DAD1: variants seen among roughly 807,000 people sequenced by gnomAD.
DAD1 encodes defender against cell death 1.
A neutral mutation model predicts 9.0 loss-of-function variants in DAD1; 4 were observed. The observed-to-expected ratio is 0.44, with a 90% CI of 0.22 to 1.01. DAD1 has a LOEUF of 1.01. Among genes scored for constraint, DAD1 ranks in the 50% least tolerant of loss-of-function variants. The probability of loss-of-function intolerance (pLI) is 0.24; values close to 1 mark genes in which losing one functional copy is unlikely to be tolerated. For missense variants in DAD1, 119 were observed against 137.3 expected, an observed-to-expected ratio of 0.87 and a Z score of 0.67; for synonymous variants, 60 against 62.5, an observed-to-expected ratio of 0.96 and a Z score of 0.19.
In DAD1 at chr14:22,589,220, G is replaced by T. The variant is rs1205995483; in HGVS notation, c.-63C>A. 8 of 1,561,764 alleles carry T rather than the reference G, an allele frequency of 5.1e-6. No homozygotes were observed. The Admixed American group carries it at 1.4e-4, about 27-fold the overall frequency. On this transcript the variant is annotated 5_prime_UTR_variant, in exon 1 of 3. Coordinates refer to ENST00000250498, the MANE Select transcript of DAD1 (RefSeq NM_001344.4). ...CTTGGAGGACCCGTCGACCACACCG[G>T]ATGTGCTGTTTGCGCATGCGCACCC...
intron 1 of DAD1, among the ~76,000 whole-genome samples, chr14:22,581,708 A>C (rs1360364868): frequency 7.5e-6 from 1 of 132,664 alleles, no homozygotes; most frequent in South Asian, 2.4e-4. Flanking sequence ...GTGCCATTGC[A>C]CTCCAGCCTG....
chr14:22,571,918 C>T lies in DAD1; in HGVS notation c.*44+3141G>A, dbSNP rs189178585. On this transcript the variant is annotated intron_variant, in intron 2 of 2. Coordinates refer to ENST00000250498, the MANE Select transcript of DAD1 (RefSeq NM_001344.4). ...ATGCTGGGATTACAGGCATCAGCCA[C>T]CGTGCTCAGCCATCCTAGCCAGGCT... 7.6e-4 allele frequency among the ~76,000 whole-genome samples: 116 copies of T among 152,298 alleles called. 1 individual carries two copies. Among genetic ancestry groups the T allele is most frequent in the Middle Eastern group, 3.4e-3 (1 of 294 alleles).
At chr14:22,588,683 A>G (rs1032662946) in intron 1 of DAD1, among the ~76,000 whole-genome samples, 1 of 152,236 alleles carries the variant, frequency 6.6e-6, no homozygotes, top group African/African-American at 2.4e-5. Flanking sequence ...CCCCGGACCA[A>G]TATTAAGTGA....
intron 1 of DAD1, among the ~76,000 whole-genome samples, chr14:22,582,914 G>A (rs1354023187): frequency 6.7e-6 from 1 of 149,352 alleles, no homozygotes; most frequent in African/African-American, 2.5e-5. Context: ...GCTGAGGCAG[G>A]AGAATTGCTT....
intron 2 of DAD1, among the ~76,000 whole-genome samples, chr14:22,573,769 C>G (rs1339421413): frequency 6.7e-6 from 1 of 150,228 alleles, no homozygotes; most frequent in South Asian, 2.1e-4. Flanking sequence ...AAATAAACCT[C>G]ACTGTCAACT....
At chr14:22,579,866 G>T (rs1267192191) in intron 1 of DAD1, among the ~76,000 whole-genome samples, 1 of 132,314 alleles carries the variant, frequency 7.6e-6, no homozygotes, top group Non-Finnish European at 1.6e-5. Context: ...TTGAGACAGG[G>T]TCTCACTCCA....
chr14:22,573,181 G>GTTT (rs34572621), intron 2 of DAD1, among the ~76,000 whole-genome samples: 13 of 147,214 alleles, frequency 8.8e-5, no homozygotes, highest in African/African-American at 2.5e-4. Context: ...ACACTTTTGG[G>GTTT]TTTTTTTTTT....
At chr14:22,581,404 G>C (rs2037114513) in intron 1 of DAD1, among the ~76,000 whole-genome samples, 1 of 152,128 alleles carries the variant, frequency 6.6e-6, no homozygotes, top group Non-Finnish European at 1.5e-5. Flanking sequence ...AAATCTGGGG[G>C]CAGAGCATTC....
intron 2 of DAD1, among the ~76,000 whole-genome samples, chr14:22,569,223 A>C (rs1418895228): frequency 6.6e-6 from 1 of 152,192 alleles, no homozygotes; most frequent in Non-Finnish European, 1.5e-5. Flanking sequence ...TCACAAAGTC[A>C]AAAGATAGAG....
At chr14:22,576,532 G>C (rs1344400905) in intron 1 of DAD1, among the ~76,000 whole-genome samples, 4 of 152,260 alleles carry the variant, frequency 2.6e-5, no homozygotes, top group African/African-American at 9.6e-5. Flanking sequence ...GAAGAAAACA[G>C]AGCAAAAGTT....
intron 2 of DAD1, among the ~76,000 whole-genome samples, chr14:22,568,927 G>A (rs960165726): frequency 6.6e-6 from 1 of 151,964 alleles, no homozygotes; most frequent in Non-Finnish European, 1.5e-5. Context: ...TCAAACTCCT[G>A]GGCTCAAGCG....
intron 1 of DAD1, among the ~76,000 whole-genome samples, chr14:22,587,460 T>G (rs565781384): frequency 5.9e-5 from 9 of 152,184 alleles, no homozygotes; most frequent in African/African-American, 2.2e-4. Flanking sequence ...GGAGAATACT[T>G]AGAGCAAAGG....
chr14:22,589,166 G>C lies in DAD1; in HGVS notation c.-9C>G, dbSNP rs776302670. The C allele has an allele frequency of 2.5e-5, 41 of 1,613,916 alleles. No individual in the cohort carries two copies. The highest frequency in any genetic ancestry group is 5.3e-5 in the African/African-American group (4 of 74,916). ...ACTACCGACGCCGACATAACTGCAC[G>C]CAAGGTACTCCGGTCCGCGCCCCAA... is the stretch of plus-strand genomic sequence containing the variant. On this transcript the variant is annotated 5_prime_UTR_variant, in exon 1 of 3. Transcript: ENST00000250498.
intron 1 of DAD1, among the ~76,000 whole-genome samples, chr14:22,585,980 G>A (rs1384692593): frequency 6.6e-6 from 1 of 152,174 alleles, no homozygotes; most frequent in Non-Finnish European, 1.5e-5. Flanking sequence ...GCCGAGGCGG[G>A]CGAATCACGA....
chr14:22,567,724 A>G (rs1055033497), intron 2 of DAD1, among the ~76,000 whole-genome samples: 7 of 152,182 alleles, frequency 4.6e-5, no homozygotes, highest in Non-Finnish European at 8.8e-5. Flanking sequence ...TGGGCGGTGC[A>G]GACCCTGAAT....
In DAD1 at chr14:22,589,183, G is replaced by A. The variant is rs2037175519; in HGVS notation, c.-26C>T. 2 of 1,612,688 alleles carry A rather than the reference G, an allele frequency of 1.2e-6. No individual in the cohort carries two copies. Among genetic ancestry groups the A allele is most frequent in the Non-Finnish European group, 1.7e-6 (2 of 1,178,918 alleles). The stretch of plus-strand genomic sequence containing the variant: ...AACTGCACGCAAGGTACTCCGGTCC[G>A]CGCCCCAAACTCTTGGAGGACCCGT... On this transcript the variant is annotated 5_prime_UTR_variant, in exon 1 of 3. Coordinates refer to ENST00000250498, the MANE Select transcript of DAD1 (RefSeq NM_001344.4).
chr14:22,578,522 G>A (rs2037093872), intron 1 of DAD1, among the ~76,000 whole-genome samples: 1 of 152,208 alleles, frequency 6.6e-6, no homozygotes, highest in Non-Finnish European at 1.5e-5. Context: ...AGCCGAGATT[G>A]CGCCACTGCA....
At chr14:22,580,639 T>G (rs1034393015) in intron 1 of DAD1, among the ~76,000 whole-genome samples, 1 of 152,148 alleles carries the variant, frequency 6.6e-6, no homozygotes, top group African/African-American at 2.4e-5. Flanking sequence ...GTTATTATTA[T>G]TGTGATCATG....
intron 2 of DAD1, 38 bp downstream of exon 2, chr14:22,575,021 A>G: frequency 2.0e-6 from 3 of 1,530,380 alleles, no homozygotes; most frequent in Non-Finnish European, 1.8e-6. Flanking sequence ...TCTTCCTAAA[A>G]TCAACATTAT....
Sources: gnomAD v4.1 joint callset for allele counts (sites outside exome capture counted in the v4.1 genomes callset) on GRCh38, gnomAD v4.1.1 for gene constraint, MANE v1.5 for transcripts, NCBI Gene and HGNC (gene_info 2026-07-23, HGNC 2026-07-21) for gene names.